ATF2: variants seen among roughly 807,000 people sequenced by gnomAD.
ATF2 encodes the protein cyclic AMP-dependent transcription factor ATF-2.
In ATF2, 24 loss-of-function variants were observed where a neutral mutation model predicts 60.6. That is an observed-to-expected ratio of 0.40 (90% CI 0.29 to 0.56). ATF2 has a LOEUF of 0.56. Ranked by LOEUF, ATF2 falls within the 20% of genes least tolerant of loss-of-function variation. ATF2 has a pLI of 0.54. For synonymous variants in ATF2, 206 were observed against 215.4 expected (o/e 0.96, Z 0.38); for missense variants, 433 against 607.7 (o/e 0.71, Z 3.02).
intron 13 of ATF2, chr2:175,075,121 G>C: frequency 2.9e-3 from 2,847 of 987,368 alleles, no homozygotes; most frequent in Non-Finnish European, 3.5e-3. Flanking sequence ...ATGAGGGAGA[G>C]TTTGGAAGAT....
chr2:175,111,505 T>C, intron 10 of ATF2, 63 bp downstream of exon 10: 3 of 1,399,438 alleles, frequency 2.1e-6, no homozygotes, highest in Non-Finnish European at 3.0e-6. Flanking sequence ...AAGCAGGCTT[T>C]AGTGAAAACA....
In ATF2 at chr2:175,099,102, CT is replaced by C. The variant is rs35356799; in HGVS notation, c.829-1510del. ...TTTAGTGTACAATCCTATTAAATTT[CT>C]TTTTTTTTTTTTTTTTTTCAAGAGG... On this transcript the variant is annotated intron_variant, in intron 10 of 13. Coordinates refer to ENST00000264110, the MANE Select transcript of ATF2 (RefSeq NM_001880.4). 8.9e-3 allele frequency among the ~76,000 whole-genome samples: 1,005 copies of C among 113,552 alleles called. 5 individuals carry two copies. Among genetic ancestry groups the C allele is most frequent in the South Asian group, 0.014 (45 of 3,324 alleles). 74.5% of individuals were successfully genotyped at this position (113,552 alleles called of 152,430 possible). A position where few individuals can be genotyped will look rare whatever the true frequency, so the allele number is the denominator to read the frequency against.
intron 1 of ATF2, chr2:175,167,552 C>T (rs914778805): frequency 4.4e-6 from 2 of 452,616 alleles, no homozygotes; most frequent in East Asian, 7.2e-5. Context: ...CTCCCCGCCA[C>T]CATCACCAAT....
intron 11 of ATF2, among the ~76,000 whole-genome samples, chr2:175,093,630 A>G (rs1694700481): frequency 6.6e-6 from 1 of 152,144 alleles, no homozygotes; most frequent in African/African-American, 2.4e-5. Context: ...AATCCCTGGA[A>G]AACTAATTAT....
At chr2:175,152,210 A>G (rs1416800439) in intron 1 of ATF2, among the ~76,000 whole-genome samples, 1 of 152,176 alleles carries the variant, frequency 6.6e-6, no homozygotes, top group Non-Finnish European at 1.5e-5. Flanking sequence ...TACTAAAGAG[A>G]GTTTTCGAAA....
intron 4 of ATF2, among the ~76,000 whole-genome samples, chr2:175,122,076 T>A (rs73973696): frequency 9.9e-5 from 15 of 151,814 alleles, no homozygotes; most frequent in African/African-American, 3.6e-4. Flanking sequence ...AGCAAAGAAA[T>A]AGCAACCGAT....
chr2:175,103,069 C>T (rs116674357), intron 10 of ATF2, among the ~76,000 whole-genome samples: 1 of 152,180 alleles, frequency 6.6e-6, no homozygotes, highest in Non-Finnish European at 1.5e-5. Context: ...AAATAATTGT[C>T]ATTCAAGTTC....
At chr2:175,163,123 G>C (rs773730330) in intron 1 of ATF2, among the ~76,000 whole-genome samples, 3 of 151,112 alleles carry the variant, frequency 2.0e-5, no homozygotes, top group Non-Finnish European at 2.9e-5. Context: ...AACAGAGCGA[G>C]ACTCTGTCTC....
intron 3 of ATF2, among the ~76,000 whole-genome samples, chr2:175,133,109 A>G (rs184475012): frequency 0.01 from 1,522 of 152,038 alleles, 35 homozygotes; most frequent in Middle Eastern, 0.051. Flanking sequence ...AAAATAAATA[A>G]ATAAAATAAA....
chr2:175,102,612 C>T (rs1324735191), intron 10 of ATF2, among the ~76,000 whole-genome samples: 1 of 151,872 alleles, frequency 6.6e-6, no homozygotes, highest in Non-Finnish European at 1.5e-5. Context: ...CTACAAAAAA[C>T]TTAAAAATTA....
intron 13 of ATF2, among the ~76,000 whole-genome samples, chr2:175,077,671 C>A (rs1209979685): frequency 6.6e-6 from 1 of 152,152 alleles, no homozygotes; most frequent in Admixed American, 6.5e-5. Flanking sequence ...GGGATGAATG[C>A]TTACCTACAG....
At chr2:175,153,533 G>A (rs953906162) in intron 1 of ATF2, among the ~76,000 whole-genome samples, 19 of 152,096 alleles carry the variant, frequency 1.2e-4, no homozygotes, top group Admixed American at 5.2e-4. Context: ...CAGTACAAAA[G>A]ATTTTAGGCT....
At chr2:175,078,951 T>A (rs1263732060) in intron 13 of ATF2, among the ~76,000 whole-genome samples, 2 of 152,188 alleles carry the variant, frequency 1.3e-5, no homozygotes, top group African/African-American at 4.8e-5. Context: ...AATTTGATTA[T>A]CTACATGACT....
In ATF2 at chr2:175,091,956, G is replaced by A. The variant is rs73033986; in HGVS notation, c.1185+1105C>T. Among the ~76,000 whole-genome samples the A allele has an allele frequency of 3.4e-3, 519 of 152,266 alleles. 4 individuals are homozygous for A. Among genetic ancestry groups the A allele is most frequent in the African/African-American group, 0.012 (489 of 41,554 alleles). On this transcript the variant is annotated intron_variant, in intron 12 of 13. Transcript: ENST00000264110. ...AGCACATATTTTAAGTCTATGTGAT[G>A]TGGTAAGTTGTATTAAAATTTTCTT...
At chr2:175,085,578 ACACACACAC>A (rs1483745276) in intron 12 of ATF2, among the ~76,000 whole-genome samples, 1 of 151,166 alleles carries the variant, frequency 6.6e-6, no homozygotes, top group Non-Finnish European at 1.5e-5. Flanking sequence ...ACACACACAC[ACACACACAC>A]ACACACACAC....
chr2:175,099,102 CTTT>C (rs35356799), intron 10 of ATF2, among the ~76,000 whole-genome samples: 2 of 113,570 alleles, frequency 1.8e-5, no homozygotes, highest in Admixed American at 9.3e-5. Flanking sequence ...TATTAAATTT[CTTT>C]TTTTTTTTTT....
chr2:175,122,088 CA>C (rs1233783100), intron 4 of ATF2, among the ~76,000 whole-genome samples: 2 of 151,808 alleles, frequency 1.3e-5, no homozygotes, highest in Non-Finnish European at 2.9e-5. Context: ...GCAACCGATA[CA>C]ATAACAAAAC....
At chr2:175,094,897 C>T (rs1469013322) in intron 11 of ATF2, among the ~76,000 whole-genome samples, 1 of 152,026 alleles carries the variant, frequency 6.6e-6, no homozygotes, top group African/African-American at 2.4e-5. Flanking sequence ...GAGCCATGAT[C>T]GCACCACTGT....
At chr2:175,074,900 G>A (rs538343616) in intron 13 of ATF2, 65 bp from the exon 14 acceptor site, 4 of 1,591,766 alleles carry the variant, frequency 2.5e-6, no homozygotes, top group Non-Finnish European at 3.4e-6. Context: ...AGTATGCTGA[G>A]GCAATACACA....
Sources: gnomAD v4.1 joint callset for allele counts (sites outside exome capture counted in the v4.1 genomes callset) on GRCh38, gnomAD v4.1.1 for gene constraint, MANE v1.5 for transcripts, NCBI Gene and HGNC (gene_info 2026-07-23, HGNC 2026-07-21) for gene names.